PRKCE: variants seen among roughly 807,000 people sequenced by gnomAD.
The protein encoded by PRKCE is protein kinase C epsilon type.
In PRKCE, 16 loss-of-function variants were observed where a neutral mutation model predicts 85.4. The observed-to-expected ratio is 0.19, with a 90% CI of 0.13 to 0.28. The LOEUF is 0.28. Ranked by LOEUF, PRKCE falls within the 10% of genes least tolerant of loss-of-function variation. The probability of loss-of-function intolerance (pLI) is 1.00; values close to 1 mark genes in which losing one functional copy is unlikely to be tolerated. For synonymous variants in PRKCE, 388 were observed against 371.5 expected (o/e 1.04, Z -0.51); for missense variants, 573 against 975.2 (o/e 0.59, Z 5.49).
chr2:45,861,055 C>T (rs1558762997), intron 2 of PRKCE, among the ~76,000 whole-genome samples: 1 of 152,258 alleles, frequency 6.6e-6, no homozygotes, highest in African/African-American at 2.4e-5. Flanking sequence ...GGAAGGGCCT[C>T]GGTAGGGAGA....
At chr2:45,668,474 C>T (rs779005961) in intron 1 of PRKCE, among the ~76,000 whole-genome samples, 1 of 152,144 alleles carries the variant, frequency 6.6e-6, no homozygotes, top group Non-Finnish European at 1.5e-5. Flanking sequence ...CCGACAGTTA[C>T]TTGGGGCTAG....
At chr2:46,011,115 C>T (rs1341129809) in intron 10 of PRKCE, among the ~76,000 whole-genome samples, 1 of 152,174 alleles carries the variant, frequency 6.6e-6, no homozygotes, top group Non-Finnish European at 1.5e-5. Context: ...AATTTGTTAC[C>T]TGTTTTTAGT....
chr2:45,792,724 A>G lies in PRKCE; in HGVS notation c.349-50276A>G, dbSNP rs181416639. 2.7e-3 allele frequency among the ~76,000 whole-genome samples: 416 copies of G among 152,340 alleles called. 5 individuals are homozygous for G. Among genetic ancestry groups the G allele is most frequent in the African/African-American group, 9.5e-3 (396 of 41,570 alleles). ...TCTTTCTTCAAGGACTGGTTGTAGG[A>G]TTAAATGAGATAATGCTTATTGTAA... On this transcript the variant is annotated intron_variant, in intron 1 of 14. Transcript: ENST00000306156.
chr2:45,807,405 A>G (rs1018019895), intron 1 of PRKCE, among the ~76,000 whole-genome samples: 2 of 152,224 alleles, frequency 1.3e-5, no homozygotes, highest in Admixed American at 6.5e-5. Flanking sequence ...ATTTCTCTCA[A>G]AAGGCGATGT....
intron 1 of PRKCE, among the ~76,000 whole-genome samples, chr2:45,832,580 GGATTACAGGCGT>G (rs1377986922): frequency 6.6e-6 from 1 of 151,890 alleles, no homozygotes; most frequent in Non-Finnish European, 1.5e-5. Flanking sequence ...CAAAGTGCTG[GGATTACAGGCGT>G]GAGCCACCGC....
At chr2:46,163,791 G>A (rs1306193624) in intron 14 of PRKCE, among the ~76,000 whole-genome samples, 1 of 147,566 alleles carries the variant, frequency 6.8e-6, no homozygotes, top group Admixed American at 6.7e-5. Flanking sequence ...ACACCACAGA[G>A]GCCACTGAGA....
chr2:45,764,801 G>A (rs183687333), intron 1 of PRKCE, among the ~76,000 whole-genome samples: 9 of 152,146 alleles, frequency 5.9e-5, no homozygotes, highest in Non-Finnish European at 1.3e-4. Context: ...TGCTGCAAAT[G>A]AATTAGACTA....
chr2:46,139,623 G>T lies in PRKCE; in HGVS notation c.1593-5470G>T, dbSNP rs1015298913. On this transcript the variant is annotated intron_variant, in intron 11 of 14. Transcript: ENST00000306156. This position sits in a 1 kb window ranked among gnomAD's most constrained non-coding sequence, Gnocchi z 5.2. ...TTGTAGGTGGCTGCTACTACTTTAG[G>T]CATTATGTCCTCATTCATGCAATAT... is the stretch of plus-strand genomic sequence containing the variant. Among the ~76,000 whole-genome samples the T allele has an allele frequency of 3.3e-5, 5 of 151,100 alleles. No individual in the cohort carries two copies. The highest frequency in any genetic ancestry group is 2.6e-4 in the Admixed American group (4 of 15,158).
intron 11 of PRKCE, among the ~76,000 whole-genome samples, chr2:46,142,103 T>A (rs922187372): frequency 1.2e-4 from 19 of 152,070 alleles, no homozygotes; most frequent in African/African-American, 4.1e-4. Flanking sequence ...AAGAAAACCA[T>A]GAAGGAATCT....
intron 11 of PRKCE, among the ~76,000 whole-genome samples, chr2:46,125,354 C>G (rs1184928967): frequency 6.6e-6 from 1 of 152,076 alleles, no homozygotes; most frequent in Non-Finnish European, 1.5e-5. Flanking sequence ...TCCTTTGTAC[C>G]CAGCCAATAA....
chr2:46,146,934 C>T (rs1676123519), intron 12 of PRKCE, among the ~76,000 whole-genome samples: 1 of 152,148 alleles, frequency 6.6e-6, no homozygotes, highest in South Asian at 2.1e-4. Flanking sequence ...TCTGTGGACC[C>T]ACTCAGGGTT....
intron 10 of PRKCE, among the ~76,000 whole-genome samples, chr2:46,049,424 G>A (rs1448378405): frequency 6.6e-6 from 1 of 152,130 alleles, no homozygotes; most frequent in Non-Finnish European, 1.5e-5. Context: ...GCCTGAGATA[G>A]GGCAACAGGA....
At chr2:45,820,130 G>A (rs1033760740) in intron 1 of PRKCE, among the ~76,000 whole-genome samples, 6 of 152,162 alleles carry the variant, frequency 3.9e-5, no homozygotes, top group Admixed American at 2.6e-4. Flanking sequence ...CCAGACGAAG[G>A]TAATGGAAAC....
At chr2:45,708,143 G>A (rs768556246) in intron 1 of PRKCE, among the ~76,000 whole-genome samples, 1 of 151,848 alleles carries the variant, frequency 6.6e-6, no homozygotes, top group African/African-American at 2.4e-5. Flanking sequence ...GGTTGGACTC[G>A]AGAGCCTGCA....
chr2:45,681,102 A>G (rs1034122510), intron 1 of PRKCE, among the ~76,000 whole-genome samples: 3 of 152,034 alleles, frequency 2.0e-5, no homozygotes, highest in African/African-American at 7.2e-5. Context: ...CAGCCTGGCC[A>G]AGATGCTAAA....
intron 1 of PRKCE, among the ~76,000 whole-genome samples, chr2:45,660,537 A>G (rs1675589042): frequency 6.6e-6 from 1 of 152,190 alleles, no homozygotes; most frequent in Non-Finnish European, 1.5e-5. Flanking sequence ...AGGGCTTTAG[A>G]TACAAAACCC....
intron 5 of PRKCE, among the ~76,000 whole-genome samples, chr2:45,981,061 G>A (rs143562277): frequency 7.8e-4 from 119 of 152,286 alleles, no homozygotes; most frequent in African/African-American, 2.5e-3. Context: ...ACTGCACTAC[G>A]TTGTCTCTTA....
At chr2:45,939,649 G>A (rs1699739077) in intron 2 of PRKCE, among the ~76,000 whole-genome samples, 1 of 152,094 alleles carries the variant, frequency 6.6e-6, no homozygotes, top group Non-Finnish European at 1.5e-5. Context: ...CCGCCTCCTG[G>A]GTTCAAGTGA....
intron 11 of PRKCE, among the ~76,000 whole-genome samples, chr2:46,133,145 C>T (rs1028254691): frequency 9.2e-5 from 14 of 152,292 alleles, no homozygotes; most frequent in Admixed American, 2.0e-4. Flanking sequence ...CCTTCCTGTC[C>T]GGGAATTCTG....
Sources: allele counts gnomAD v4.1 joint callset (sites outside exome capture counted in the v4.1 genomes callset), GRCh38; gene constraint gnomAD v4.1.1; non-coding constraint Gnocchi (gnomAD v3.1); transcripts MANE v1.5; gene names NCBI Gene and HGNC (gene_info 2026-07-23, HGNC 2026-07-21).